Variants in ADAMTSL3 observed in about 807,000 individuals in gnomAD.
ADAMTSL3 encodes ADAMTS like 3.
A neutral mutation model predicts 201.7 loss-of-function variants in ADAMTSL3; 128 were observed. The observed-to-expected ratio is 0.63, with a 90% confidence interval of 0.55 to 0.73. The LOEUF (loss-of-function observed/expected upper bound fraction) is 0.73, where lower values mean the gene tolerates loss of function less well. ADAMTSL3 is among the 30% of genes least tolerant of loss of function. ADAMTSL3 has a pLI of 0.00. For synonymous variants in ADAMTSL3, 738 were observed against 748.4 expected (o/e 0.99, Z 0.23); for missense variants, 1,990 against 2,119.6 (o/e 0.94, Z 1.20).
At chr15:83,970,452 C>T (rs746325277) in intron 19 of ADAMTSL3, 32 bp from the exon 20 acceptor site, 4 of 1,613,512 alleles carry the variant, frequency 2.5e-6, no homozygotes, top group Non-Finnish European at 8.5e-7. Flanking sequence ...GCTCATGCTC[C>T]ATTTGACTCT....
At chr15:83,742,521 C>A (rs1189796066) in intron 3 of ADAMTSL3, among the ~76,000 whole-genome samples, 1 of 152,028 alleles carries the variant, frequency 6.6e-6, no homozygotes, top group Non-Finnish European at 1.5e-5. Context: ...TAAATTTAAA[C>A]CTAGTCATTT....
rs998084748 is a variant in ADAMTSL3, at chr15:83,837,945, A to T, written c.601-144A>T. On this transcript the variant is annotated intron_variant, in intron 6 of 29. Transcript: ENST00000286744. ...ATACTATCCTGTAAGACATTATATT[A>T]TTTAGATTTATAAAACTATGTTCTC... 3.7e-5 allele frequency: 35 copies of T among 956,816 alleles called. No individual in the cohort carries two copies. In the Middle Eastern group the frequency reaches 1.0e-3, roughly 27 times the overall value. The allele number at this position is 956,816 out of a possible 1,614,324, so 59.3% of individuals were successfully genotyped here.
chr15:83,677,800 AG>A (rs2061426870), intron 2 of ADAMTSL3, among the ~76,000 whole-genome samples: 1 of 151,892 alleles, frequency 6.6e-6, no homozygotes, highest in Non-Finnish European at 1.5e-5. Context: ...ATAATACTTC[AG>A]TTTTCCAGTT....
chr15:83,706,634 C>A (rs2061855346), intron 3 of ADAMTSL3, among the ~76,000 whole-genome samples: 1 of 151,998 alleles, frequency 6.6e-6, no homozygotes. Context: ...GATTCTCTTT[C>A]CTCTTTTTTC....
chr15:83,986,825 T>G (rs2067486181), intron 21 of ADAMTSL3, among the ~76,000 whole-genome samples: 1 of 152,202 alleles, frequency 6.6e-6, no homozygotes, highest in Non-Finnish European at 1.5e-5. Flanking sequence ...ATGGTGCCTA[T>G]AGAAAGATCA....
At chr15:83,709,143 C>A (rs1286282148) in intron 3 of ADAMTSL3, among the ~76,000 whole-genome samples, 1 of 152,230 alleles carries the variant, frequency 6.6e-6, no homozygotes, top group African/African-American at 2.4e-5. Context: ...AGCTCATTCT[C>A]ATCTCCTTCA....
intron 3 of ADAMTSL3, among the ~76,000 whole-genome samples, chr15:83,705,369 A>G (rs2061835977): frequency 1.3e-5 from 2 of 152,078 alleles, no homozygotes; most frequent in Non-Finnish European, 2.9e-5. Context: ...TGGCCCAGTG[A>G]CTGAGGCCAG....
rs554122074 is a variant in ADAMTSL3, at chr15:83,716,887, G to T, written c.189+12379G>T. Among the ~76,000 whole-genome samples the T allele has an allele frequency of 2.0e-5, 3 of 152,122 alleles. No homozygotes were observed. The South Asian group carries it at 6.2e-4, about 32-fold the overall frequency. ...CCCTCTGGGATTTAATGCTAACAGG[G>T]TTTTTAAAATTTACATTTCAAAATG... On this transcript the variant is annotated intron_variant, in intron 3 of 29. Coordinates refer to ENST00000286744, the MANE Select transcript of ADAMTSL3 (RefSeq NM_207517.3).
chr15:83,709,373 C>T (rs961476578), intron 3 of ADAMTSL3, among the ~76,000 whole-genome samples: 6 of 152,120 alleles, frequency 3.9e-5, no homozygotes, highest in African/African-American at 7.2e-5. Context: ...TAGTTTGGGA[C>T]GACTGGCTAA....
chr15:83,733,939 T>A (rs1369977184), intron 3 of ADAMTSL3, among the ~76,000 whole-genome samples: 2 of 152,084 alleles, frequency 1.3e-5, no homozygotes, highest in Non-Finnish European at 2.9e-5. Context: ...TGGATAGACA[T>A]CTGGAGTGGC....
At chr15:83,695,894 A>G (rs1258149752) in intron 2 of ADAMTSL3, among the ~76,000 whole-genome samples, 1 of 151,506 alleles carries the variant, frequency 6.6e-6, no homozygotes, top group Non-Finnish European at 1.5e-5. Context: ...TTTCAGGTTC[A>G]AGGAACCAAA....
intron 4 of ADAMTSL3, among the ~76,000 whole-genome samples, chr15:83,795,046 G>T (rs185219779): frequency 1.3e-5 from 2 of 152,032 alleles, no homozygotes; most frequent in South Asian, 4.2e-4. Flanking sequence ...TGGAGACAGC[G>T]TGTCACCATG....
At chr15:83,679,403 A>T (rs13379943) in intron 2 of ADAMTSL3, among the ~76,000 whole-genome samples, 10,594 of 152,098 alleles carry the variant, frequency 0.07, 428 homozygotes, top group East Asian at 0.14. Context: ...GTGATTTTTA[A>T]ATTATATCCT....
chr15:83,925,877 A>T (rs1452888913), intron 17 of ADAMTSL3, among the ~76,000 whole-genome samples: 1 of 152,218 alleles, frequency 6.6e-6, no homozygotes, highest in African/African-American at 2.4e-5. Context: ...ATGGAAACAG[A>T]TGACCACCTT....
At chr15:83,920,554 C>A (rs546961157) in intron 16 of ADAMTSL3, among the ~76,000 whole-genome samples, 1 of 152,242 alleles carries the variant, frequency 6.6e-6, no homozygotes, top group Admixed American at 6.5e-5. Flanking sequence ...TACAGTAGTA[C>A]CCCTTCAGTC....
chr15:83,755,055 A>C (rs1047933153), intron 3 of ADAMTSL3, among the ~76,000 whole-genome samples: 7 of 152,212 alleles, frequency 4.6e-5, no homozygotes, highest in Non-Finnish European at 7.3e-5. Context: ...TTAATGTTTA[A>C]ATGGATTAAA....
At chr15:83,728,513 G>A (rs190057847) in intron 3 of ADAMTSL3, among the ~76,000 whole-genome samples, 2 of 150,644 alleles carry the variant, frequency 1.3e-5, no homozygotes, top group Admixed American at 1.3e-4. Context: ...TCTGTTGTAT[G>A]CTTTTTGATT....
At chr15:83,851,107 A>G (rs1031783491) in intron 7 of ADAMTSL3, among the ~76,000 whole-genome samples, 24 of 152,154 alleles carry the variant, frequency 1.6e-4, no homozygotes, top group African/African-American at 5.3e-4. Context: ...AGTTTTCTAG[A>G]TGATTCATAT....
At chr15:83,731,976 T>C (rs888321169) in intron 3 of ADAMTSL3, among the ~76,000 whole-genome samples, 3 of 151,962 alleles carry the variant, frequency 2.0e-5, no homozygotes, top group Non-Finnish European at 1.5e-5. Context: ...TTATGTAGGA[T>C]AAGTGACTAT....
Sources: gnomAD v4.1 joint callset for allele counts (sites outside exome capture counted in the v4.1 genomes callset) on GRCh38, gnomAD v4.1.1 for gene constraint, MANE v1.5 for transcripts, NCBI Gene and HGNC (gene_info 2026-07-23, HGNC 2026-07-21) for gene names.